ZC2HC1B: variants seen among roughly 807,000 people sequenced by gnomAD.
ZC2HC1B encodes the protein zinc finger C2HC-type containing 1B, also known as zinc finger C2HC domain-containing protein 1B.
In ZC2HC1B, 36 loss-of-function variants were observed where a neutral mutation model predicts 31.0. The ratio of observed to expected loss-of-function variants is 1.16; its 90% CI spans 0.89 to 1.54. The LOEUF (loss-of-function observed/expected upper bound fraction) is 1.54, where lower values mean the gene tolerates loss of function less well. ZC2HC1B is among the 40% of genes most tolerant of loss of function. The pLI is 0.00. For missense variants in ZC2HC1B, 260 were observed against 268.6 expected, an observed-to-expected ratio of 0.97 and a Z score of 0.22; for synonymous variants, 73 against 88.0, an observed-to-expected ratio of 0.83 and a Z score of 0.95.
chr6:143,901,599 C>G (rs984287888), intron 5 of ZC2HC1B, among the ~76,000 whole-genome samples: 3 of 152,064 alleles, frequency 2.0e-5, no homozygotes, highest in Non-Finnish European at 4.4e-5. Flanking sequence ...GTAAACTTGG[C>G]CGAGTTACTT....
chr6:143,889,760 G>A (rs1191504289), intron 4 of ZC2HC1B, among the ~76,000 whole-genome samples: 1 of 152,074 alleles, frequency 6.6e-6, no homozygotes, highest in African/African-American at 2.4e-5. Flanking sequence ...AGAATACACA[G>A]CAGGAAAATC....
rs1777782218 is a variant in ZC2HC1B at position 143,905,447 on chromosome 6, A to C, written c.598+2295A>C. 6.6e-6 allele frequency among the ~76,000 whole-genome samples: 1 copy of C among 152,132 alleles called. No individual in the cohort carries two copies. Among genetic ancestry groups the C allele is most frequent in the South Asian group, 2.1e-4 (1 of 4,826 alleles). On this transcript the variant is annotated intron_variant, in intron 6 of 7. Coordinates refer to ENST00000237275, the MANE Select transcript of ZC2HC1B (RefSeq NM_001013623.3). This position sits in a 1 kb window ranked among gnomAD's most constrained non-coding sequence, Gnocchi z 4.2. ...CTGAATTAATTTATTGCTTCTAATA[A>C]GTTTTTTGGTGATATCTTTAGGATT... is the stretch of plus-strand genomic sequence containing the variant.
intron 6 of ZC2HC1B, among the ~76,000 whole-genome samples, chr6:143,907,448 T>C (rs1562344337): frequency 6.6e-6 from 1 of 152,202 alleles, no homozygotes; most frequent in Non-Finnish European, 1.5e-5. Flanking sequence ...ATCTGTTATT[T>C]TTTAACTTTT....
chr6:143,896,624 C>A (rs1340087672), intron 4 of ZC2HC1B, among the ~76,000 whole-genome samples: 1 of 152,186 alleles, frequency 6.6e-6, no homozygotes, highest in Non-Finnish European at 1.5e-5. Context: ...GTATGTTCCA[C>A]CCCGCCCACT....
At chr6:143,898,128 T>C (rs573245152) in intron 4 of ZC2HC1B, among the ~76,000 whole-genome samples, 2 of 152,324 alleles carry the variant, frequency 1.3e-5, no homozygotes, top group Non-Finnish European at 2.9e-5. Context: ...CAAACCAGAG[T>C]TTGGGACCTT....
intron 6 of ZC2HC1B, among the ~76,000 whole-genome samples, chr6:143,906,994 A>C (rs1777803272): frequency 6.6e-6 from 1 of 152,070 alleles, no homozygotes; most frequent in Admixed American, 6.5e-5. Flanking sequence ...ATGTTTTCTC[A>C]TCATCCAGCT....
intron 4 of ZC2HC1B, among the ~76,000 whole-genome samples, chr6:143,889,534 G>A (rs2128494260): frequency 6.6e-6 from 1 of 152,194 alleles, no homozygotes; most frequent in East Asian, 1.9e-4. Flanking sequence ...TGGAATGACT[G>A]TATTAATATA....
intron 1 of ZC2HC1B, 139 bp downstream of exon 1, chr6:143,864,706 A>G (rs1777234861): frequency 9.8e-7 from 1 of 1,020,988 alleles, no homozygotes; most frequent in East Asian, 2.6e-5. Context: ...TAGGATTTTT[A>G]AAGAGTTGTC....
rs2128497025 is a variant in ZC2HC1B, at chr6:143,922,656, T to A, written c.599-14993T>A. Among the ~76,000 whole-genome samples, 1 of 152,336 alleles carries A rather than the reference T, an allele frequency of 6.6e-6. No individual in the cohort carries two copies. Among genetic ancestry groups the A allele is most frequent in the African/African-American group, 2.4e-5 (1 of 41,576 alleles). ...ATACACATTGCTGCAAATGACAGGA[T>A]ATCATTCTTTTTTTGTGGCTGAATA... On this transcript the variant is annotated intron_variant, in intron 6 of 7. Coordinates refer to ENST00000237275, the MANE Select transcript of ZC2HC1B (RefSeq NM_001013623.3). The surrounding 1 kb of genome is among the most constrained non-coding windows in gnomAD (Gnocchi z 5.0).
At position 143,905,268 on chromosome 6, in the gene ZC2HC1B, T is replaced by C. The variant is rs1389035705; in HGVS notation, c.598+2116T>C. Among the ~76,000 whole-genome samples the C allele has an allele frequency of 1.3e-5, 2 of 152,230 alleles. No individual in the cohort carries two copies. Among genetic ancestry groups the C allele is most frequent in the Non-Finnish European group, 2.9e-5 (2 of 68,032 alleles). Reference sequence around the variant, plus strand: ...CAGCAATGTTTTGTAGTTTTCATTGTACAAATCTTTCACCTCATTGCTTAA... The same window carrying C: ...CAGCAATGTTTTGTAGTTTTCATTGCACAAATCTTTCACCTCATTGCTTAA... On this transcript the variant is annotated intron_variant, in intron 6 of 7. Transcript: ENST00000237275. This position sits in a 1 kb window ranked among gnomAD's most constrained non-coding sequence, Gnocchi z 4.2.
At chr6:143,875,557 C>T (rs1176161311) in intron 1 of ZC2HC1B, among the ~76,000 whole-genome samples, 1 of 150,832 alleles carries the variant, frequency 6.6e-6, no homozygotes. Context: ...CTCTATGTTC[C>T]TTCCACCATT....
chr6:143,893,864 T>A (rs1777630813), intron 4 of ZC2HC1B, among the ~76,000 whole-genome samples: 2 of 151,948 alleles, frequency 1.3e-5, no homozygotes, highest in Admixed American at 6.6e-5. Flanking sequence ...TGTTTTGTAT[T>A]TTCAGTAGAG....
chr6:143,880,544 A>C (rs1777455267), intron 1 of ZC2HC1B, among the ~76,000 whole-genome samples: 1 of 152,186 alleles, frequency 6.6e-6, no homozygotes, highest in South Asian at 2.1e-4. Context: ...TTATTCTCCC[A>C]CAAATTCCTT....
chr6:143,886,031 G>T lies in ZC2HC1B; in HGVS notation c.91-1G>T. ...TCCAATCCCTACTCTTCGTTTTCTAGGAAAGGCATGGACCAATATGTAAGA... is the reference window on the plus strand; with the variant it reads ...TCCAATCCCTACTCTTCGTTTTCTATGAAAGGCATGGACCAATATGTAAGA... On this transcript the variant is annotated splice_acceptor_variant, in intron 2 of 7. Coordinates refer to ENST00000237275, the MANE Select transcript of ZC2HC1B (RefSeq NM_001013623.3). LOFTEE classifies it high-confidence loss of function. This position sits in a 1 kb window ranked among gnomAD's most constrained non-coding sequence, Gnocchi z 4.2. 1 of 1,515,830 alleles carries T rather than the reference G, an allele frequency of 6.6e-7. No individual in the cohort carries two copies. The highest frequency in any genetic ancestry group is 8.8e-7 in the Non-Finnish European group (1 of 1,135,684). 93.9% of individuals were successfully genotyped at this position (1,515,830 alleles called of 1,614,324 possible). A position where few individuals can be genotyped will look rare whatever the true frequency, so the allele number is the denominator to read the frequency against.
At chr6:143,898,156 C>A (rs1255560700) in intron 4 of ZC2HC1B, among the ~76,000 whole-genome samples, 3 of 152,118 alleles carry the variant, frequency 2.0e-5, no homozygotes, top group African/African-American at 7.2e-5. Context: ...CATGTTGGAG[C>A]AGAGTTCATA....
intron 1 of ZC2HC1B, among the ~76,000 whole-genome samples, chr6:143,876,487 A>G (rs1777409934): frequency 6.6e-6 from 1 of 150,510 alleles, no homozygotes; most frequent in African/African-American, 2.5e-5. Flanking sequence ...GTCTAATTAT[A>G]TTAAGCAGCC....
At position 143,886,132 on chromosome 6, in the gene ZC2HC1B, A is replaced by C. The variant is rs77891063; in HGVS notation, c.191A>C (p.Lys64Thr). ...CAGGGCACTGACATTCCTACTGTGA[A>C]GAAGACTCCACAATCCAAGGTACTC... ...RLQGTDIPTV[K>T]KTPQSKSPPV... is the part of the protein sequence containing the mutation. Residue 64 changes from lysine (K) to threonine (T), a missense_variant, in exon 3 of 8, where the codon AAG becomes ACG. Transcript: ENST00000237275. The surrounding 1 kb of genome is among the most constrained non-coding windows in gnomAD (Gnocchi z 4.2). 212 of 1,546,512 alleles carry C rather than the reference A, an allele frequency of 1.4e-4. 2 individuals are homozygous for C. The East Asian group carries it at 4.7e-3, about 34-fold the overall frequency.
intron 5 of ZC2HC1B, among the ~76,000 whole-genome samples, chr6:143,902,453 C>T (rs1029817002): frequency 4.6e-5 from 7 of 152,098 alleles, no homozygotes; most frequent in Non-Finnish European, 1.0e-4. Flanking sequence ...CTTGGTGTAA[C>T]AGGTTATCTT....
intron 6 of ZC2HC1B, among the ~76,000 whole-genome samples, chr6:143,906,840 A>C (rs1053835592): frequency 6.6e-6 from 1 of 151,792 alleles, no homozygotes; most frequent in Non-Finnish European, 1.5e-5. Flanking sequence ...TTTATTACAT[A>C]GGTAAGCATG....
Sources: gnomAD v4.1 joint callset for allele counts (sites outside exome capture counted in the v4.1 genomes callset) on GRCh38, gnomAD v4.1.1 for gene constraint, Gnocchi (gnomAD v3.1) non-coding constraint, MANE v1.5 for transcripts, NCBI Gene and HGNC (gene_info 2026-07-23, HGNC 2026-07-21) for gene names.